CCDC15: variants seen among roughly 807,000 people sequenced by gnomAD.
CCDC15 encodes coiled-coil domain-containing protein 15.
A neutral mutation model predicts 114.5 loss-of-function variants in CCDC15; 105 were observed. The observed-to-expected ratio is 0.92, with a 90% CI of 0.78 to 1.08. CCDC15 has a LOEUF of 1.08. Among genes scored for constraint, CCDC15 ranks in the 50% least tolerant of loss-of-function variants. The pLI is 0.00. For missense variants in CCDC15, 1,105 were observed against 1,093.6 expected (o/e 1.01, Z -0.15); for synonymous variants, 334 against 377.8 (o/e 0.88, Z 1.34).
At chr11:124,964,146 A>G (rs1476144144) in intron 4 of CCDC15, among the ~76,000 whole-genome samples, 1 of 152,146 alleles carries the variant, frequency 6.6e-6, no homozygotes, top group Non-Finnish European at 1.5e-5. Context: ...GTTCCATATG[A>G]ACTTTAAAGT....
At position 124,988,093 on chromosome 11, in the gene CCDC15, C is replaced by G. The variant is rs373838890; in HGVS notation, c.1867C>G (p.Leu623Val). ...TGTTCTCTCCAACGACCAGAATATT[C>G]TACCCAAATGTCAGGACCAAGATTT... ...LHVLSNDQNI[L>V]PKCQDQDFLP... Residue 623 changes from leucine (L) to valine (V), a missense_variant, in exon 8 of 16, where the codon CTA becomes GTA. Transcript: ENST00000344762. 6.2e-7 allele frequency: 1 copy of G among 1,613,618 alleles called. No individual in the cohort carries two copies. Among genetic ancestry groups the G allele is most frequent in the African/African-American group, 1.3e-5 (1 of 74,910 alleles).
At chr11:125,037,104 G>A (rs12801929) in intron 13 of CCDC15, among the ~76,000 whole-genome samples, 6 of 152,052 alleles carry the variant, frequency 3.9e-5, no homozygotes, top group Admixed American at 6.6e-5. Context: ...GATGCCCAAC[G>A]TTATGAGTTT....
chr11:125,005,174 A>G lies in CCDC15; in HGVS notation c.2373A>G (p.Glu791=). 4 of 1,573,384 alleles carry G rather than the reference A, an allele frequency of 2.5e-6. No individual in the cohort carries two copies. The highest frequency in any genetic ancestry group is 3.5e-6 in the Non-Finnish European group (4 of 1,153,708). Residue 791 remains glutamate (E), a synonymous_variant, in exon 13 of 16, where the codon GAA becomes GAG. Coordinates refer to ENST00000344762, the MANE Select transcript of CCDC15 (RefSeq NM_025004.3). ...ATATTGAGAGAGAACAAGTTAAAGA[A>G]CAACAAAGGCAAAAAGAACAAAAGA... ...FMDIEREQVK[E]QQRQKEQKKK...
intron 6 of CCDC15, among the ~76,000 whole-genome samples, chr11:124,982,688 G>T (rs1236000017): frequency 1.3e-5 from 2 of 152,064 alleles, no homozygotes; most frequent in Non-Finnish European, 2.9e-5. Context: ...CTTTGTAGAT[G>T]ACCTATCTCT....
At chr11:125,020,636 T>C (rs1425118739) in intron 13 of CCDC15, among the ~76,000 whole-genome samples, 2 of 151,976 alleles carry the variant, frequency 1.3e-5, no homozygotes, top group African/African-American at 4.8e-5. Context: ...CCTTTTGGCA[T>C]AGCCAGAGAA....
chr11:124,975,079 C>G lies in CCDC15; in HGVS notation c.517-17C>G. 6.7e-7 allele frequency: 1 copy of G among 1,501,198 alleles called. No homozygotes were observed. The allele number at this position is 1,501,198 out of a possible 1,614,324, so 93.0% of individuals were successfully genotyped here. On this transcript the variant is annotated splice_polypyrimidine_tract_variant and intron_variant, in intron 4 of 15. Transcript: ENST00000344762. The stretch of plus-strand genomic sequence containing the variant: ...TTATCCTGCTTTTGTTTGCTTTCTT[C>G]CCCCTTTCCCTGGCAGCTTAGTGAA...
At chr11:125,010,484 C>A (rs1367896745) in intron 13 of CCDC15, among the ~76,000 whole-genome samples, 1 of 151,772 alleles carries the variant, frequency 6.6e-6, no homozygotes, top group Admixed American at 6.6e-5. Flanking sequence ...TGCCTATCTC[C>A]TGAGTAGCTG....
chr11:124,959,809 G>A lies in CCDC15; in HGVS notation c.328-6G>A, dbSNP rs766637749. 13 of 1,577,514 alleles carry A rather than the reference G, an allele frequency of 8.2e-6. No homozygotes were observed. Among genetic ancestry groups the A allele is most frequent in the African/African-American group, 2.8e-5 (2 of 72,084 alleles). On this transcript the variant is annotated splice_polypyrimidine_tract_variant and splice_region_variant and intron_variant, in intron 3 of 15. Transcript: ENST00000344762. Reference sequence around the variant, plus strand: ...TGTTACTATCCCCCTTTCTTCTTTCGTGTAGGCACAAAAAGAAGGCTCCAT... The same window carrying A: ...TGTTACTATCCCCCTTTCTTCTTTCATGTAGGCACAAAAAGAAGGCTCCAT...
intron 13 of CCDC15, among the ~76,000 whole-genome samples, chr11:125,022,550 A>G (rs1948668377): frequency 6.6e-6 from 1 of 151,924 alleles, no homozygotes; most frequent in Non-Finnish European, 1.5e-5. Context: ...TTGGTTTCAC[A>G]AATACCATCT....
chr11:125,034,787 A>G lies in CCDC15; in HGVS notation c.2412-3644A>G, dbSNP rs560893651. Among the ~76,000 whole-genome samples, 339 of 152,260 alleles carry G rather than the reference A, an allele frequency of 2.2e-3. 3 individuals carry two copies. The highest frequency in any genetic ancestry group is 6.5e-3 in the Admixed American group (99 of 15,300). On this transcript the variant is annotated intron_variant, in intron 13 of 15. Coordinates refer to ENST00000344762, the MANE Select transcript of CCDC15 (RefSeq NM_025004.3). ...GTCCTTAACATTTTGGAGTCTAATC[A>G]TATTTAGCAGCCAACTCCAGAAACC... is the stretch of plus-strand genomic sequence containing the variant.
intron 2 of CCDC15, 89 bp from the exon 3 acceptor site, chr11:124,959,026 T>G: frequency 3.7e-6 from 3 of 818,232 alleles, no homozygotes; most frequent in Non-Finnish European, 5.5e-6. Context: ...CAGGATTGTA[T>G]CCTTATCCTG....
At chr11:124,983,286 T>C (rs545048535) in intron 6 of CCDC15, among the ~76,000 whole-genome samples, 6 of 152,354 alleles carry the variant, frequency 3.9e-5, no homozygotes, top group African/African-American at 1.2e-4. Context: ...CTATTCCTGT[T>C]ATCTCAACCA....
intron 6 of CCDC15, among the ~76,000 whole-genome samples, chr11:124,981,883 G>A (rs757314818): frequency 3.9e-5 from 6 of 152,104 alleles, no homozygotes; most frequent in Non-Finnish European, 5.9e-5. Context: ...AGCTTCCCAC[G>A]GTGCTGGGAT....
Position 124,996,433 on chromosome 11 carries a change from T to A in CCDC15, c.2214+3190T>A, listed in dbSNP as rs544530415. ...TTTCTCTTCAAGCCCCACCAGCTAA[T>A]TCTCTCCTCTTCAGAGTTAATCACT... On this transcript the variant is annotated intron_variant, in intron 11 of 15. Transcript: ENST00000344762. Among the ~76,000 whole-genome samples the A allele has an allele frequency of 6.6e-5, 10 of 152,362 alleles. No homozygotes were observed. The South Asian group carries it at 2.1e-3, about 32-fold the overall frequency.
chr11:124,996,510 T>A (rs1948372428), intron 11 of CCDC15, among the ~76,000 whole-genome samples: 1 of 152,208 alleles, frequency 6.6e-6, no homozygotes, highest in Non-Finnish European at 1.5e-5. Context: ...TTTATACACA[T>A]GTAAATATAG....
At chr11:125,024,091 G>A (rs956708083) in intron 13 of CCDC15, among the ~76,000 whole-genome samples, 4 of 151,954 alleles carry the variant, frequency 2.6e-5, no homozygotes, top group Non-Finnish European at 5.9e-5. Context: ...TTAAAAATGA[G>A]TCATTCATAT....
intron 13 of CCDC15, among the ~76,000 whole-genome samples, chr11:125,035,078 C>A (rs990107856): frequency 1.6e-4 from 24 of 152,244 alleles, no homozygotes; most frequent in South Asian, 6.2e-4. Flanking sequence ...CAGGAAGCAT[C>A]CAGCATGGGA....
intron 15 of CCDC15, among the ~76,000 whole-genome samples, chr11:125,040,062 T>C (rs1948805579): frequency 6.6e-6 from 1 of 151,992 alleles, no homozygotes; most frequent in Non-Finnish European, 1.5e-5. Context: ...GTTTTTTTTT[T>C]TCCGAGACAG....
At position 125,002,436 on chromosome 11, in the gene CCDC15, T is replaced by C. The variant is rs551833153; in HGVS notation, c.2215-1431T>C. Among the ~76,000 whole-genome samples the C allele has an allele frequency of 3.9e-5, 6 of 152,274 alleles. No homozygotes were observed. In the South Asian group the frequency reaches 1.2e-3, roughly 32 times the overall value. On this transcript the variant is annotated intron_variant, in intron 11 of 15. Coordinates refer to ENST00000344762, the MANE Select transcript of CCDC15 (RefSeq NM_025004.3). ...GATTTGTCTACTTCTTCTTTCATGG[T>C]TTGTGCTTTTATTGTCATATCTAAG...
Sources: gnomAD v4.1 joint callset for allele counts (sites outside exome capture counted in the v4.1 genomes callset) on GRCh38, gnomAD v4.1.1 for gene constraint, MANE v1.5 for transcripts, NCBI Gene and HGNC (gene_info 2026-07-23, HGNC 2026-07-21) for gene names.